Variants in ARPP21 observed in about 807,000 individuals in gnomAD.
ARPP21 encodes the protein cAMP regulated phosphoprotein 21.
In ARPP21, 69 loss-of-function variants were observed where a neutral mutation model predicts 113.2. That is an observed-to-expected ratio of 0.61 (90% confidence interval 0.50 to 0.74). The LOEUF is 0.74. ARPP21 is among the 30% of genes least tolerant of loss of function. The probability of loss-of-function intolerance (pLI) is 0.00; values close to 1 mark genes in which losing one functional copy is unlikely to be tolerated. For synonymous variants in ARPP21, 368 were observed against 375.5 expected, an observed-to-expected ratio of 0.98 and a Z score of 0.23; for missense variants, 1,070 against 1,037.4, an observed-to-expected ratio of 1.03 and a Z score of -0.43.
At chr3:35,680,215 A>G (rs2078507707) in intron 2 of ARPP21, among the ~76,000 whole-genome samples, 1 of 151,924 alleles carries the variant, frequency 6.6e-6, no homozygotes, top group Non-Finnish European at 1.5e-5. Flanking sequence ...CAATGCACTG[A>G]GAAACAAGCT....
At chr3:35,776,319 A>G (rs955101399) in intron 19 of ARPP21, among the ~76,000 whole-genome samples, 1 of 152,156 alleles carries the variant, frequency 6.6e-6, no homozygotes, top group Non-Finnish European at 1.5e-5. Flanking sequence ...AAAGTGGAAG[A>G]TTCTCTATAC....
intron 19 of ARPP21, among the ~76,000 whole-genome samples, chr3:35,784,161 G>C (rs1289669309): frequency 6.6e-6 from 1 of 152,176 alleles, no homozygotes; most frequent in Non-Finnish European, 1.5e-5. Flanking sequence ...TTTATACCAA[G>C]TGGCAAGAAG....
intron 10 of ARPP21, 68 bp downstream of exon 10, chr3:35,707,150 C>T (rs984724965): frequency 9.0e-6 from 11 of 1,228,704 alleles, no homozygotes; most frequent in African/African-American, 7.5e-5. Context: ...ATGTTCATGT[C>T]GTCCCTCTGT....
At chr3:35,687,445 A>T (rs1399776741) in intron 5 of ARPP21, among the ~76,000 whole-genome samples, 2 of 151,350 alleles carry the variant, frequency 1.3e-5, no homozygotes, top group Admixed American at 1.3e-4. Flanking sequence ...TTTAAAAATA[A>T]ACCTGTAGAA....
At chr3:35,713,878 A>G (rs1222089227) in intron 11 of ARPP21, among the ~76,000 whole-genome samples, 2 of 152,188 alleles carry the variant, frequency 1.3e-5, no homozygotes, top group Non-Finnish European at 2.9e-5. Context: ...ACAATCAACC[A>G]CTTTCCAACT....
chr3:35,694,230 C>T (rs1442106358), intron 9 of ARPP21, among the ~76,000 whole-genome samples: 1 of 151,422 alleles, frequency 6.6e-6, no homozygotes, highest in Non-Finnish European at 1.5e-5. Flanking sequence ...CATAACAATA[C>T]ATTCTGTGAG....
At chr3:35,737,790 G>A (rs2094446655) in intron 16 of ARPP21, among the ~76,000 whole-genome samples, 1 of 152,128 alleles carries the variant, frequency 6.6e-6, no homozygotes, top group Non-Finnish European at 1.5e-5. Flanking sequence ...CAATTCCAGG[G>A]AGGACTGGCT....
intron 9 of ARPP21, 109 bp from the exon 10 acceptor site, chr3:35,706,865 C>A: frequency 1.3e-6 from 1 of 759,242 alleles, no homozygotes; most frequent in East Asian, 2.6e-5. Flanking sequence ...ATGAAAACCA[C>A]TTGTAAACTT....
intron 9 of ARPP21, among the ~76,000 whole-genome samples, chr3:35,695,631 C>T (rs926057459): frequency 1.3e-5 from 2 of 151,474 alleles, no homozygotes; most frequent in Non-Finnish European, 3.0e-5. Flanking sequence ...TGGGGACTAC[C>T]TGCCCATCCA....
At chr3:35,743,791 CA>C (rs779816147) in intron 18 of ARPP21, 47 bp from the exon 19 acceptor site, 1 of 1,588,852 alleles carries the variant, frequency 6.3e-7, no homozygotes, top group Non-Finnish European at 8.6e-7. Context: ...TAAAAATTTA[CA>C]TTATCTACAT....
At chr3:35,687,519 T>C (rs2080991023) in intron 5 of ARPP21, among the ~76,000 whole-genome samples, 1 of 151,354 alleles carries the variant, frequency 6.6e-6, no homozygotes, top group Non-Finnish European at 1.5e-5. Context: ...TAAGGCAAAG[T>C]TTTAGTACTA....
intron 14 of ARPP21, among the ~76,000 whole-genome samples, chr3:35,728,242 G>A (rs1302001979): frequency 4.4e-5 from 5 of 113,126 alleles, no homozygotes; most frequent in South Asian, 2.7e-4. Flanking sequence ...TTTTTTTGAC[G>A]GAGTCTGACT....
At chr3:35,711,010 T>G (rs1469449459) in intron 11 of ARPP21, among the ~76,000 whole-genome samples, 1 of 152,228 alleles carries the variant, frequency 6.6e-6, no homozygotes, top group Admixed American at 6.5e-5. Flanking sequence ...GTGAGAAATC[T>G]TAAATGTCAA....
chr3:35,774,097 G>A (rs1299313203), intron 19 of ARPP21, among the ~76,000 whole-genome samples: 3 of 152,132 alleles, frequency 2.0e-5, no homozygotes, highest in Non-Finnish European at 2.9e-5. Flanking sequence ...TTCCAAAAAT[G>A]TGCTTACTGA....
intron 1 of ARPP21, among the ~76,000 whole-genome samples, chr3:35,669,097 G>T (rs528289241): frequency 4.0e-4 from 61 of 151,980 alleles, no homozygotes; most frequent in African/African-American, 1.4e-3. Flanking sequence ...TCATATATTT[G>T]CAGGAGAGTT....
At chr3:35,747,694 G>A (rs985434954) in intron 19 of ARPP21, among the ~76,000 whole-genome samples, 5 of 152,036 alleles carry the variant, frequency 3.3e-5, no homozygotes, top group African/African-American at 4.8e-5. Context: ...ACAAAATCAC[G>A]AGGATAAAGA....
rs140198975 is a variant in ARPP21, at chr3:35,745,931, T to C, written c.2137+1966T>C. On this transcript the variant is annotated intron_variant, in intron 19 of 20. Transcript: ENST00000684406. ...CCCTCCCAAGGTAAGATAATGACAC[T>C]GTAATGAGAAGAGTGCACTCTAGAG... Among the ~76,000 whole-genome samples the C allele has an allele frequency of 6.8e-3, 1,040 of 152,158 alleles. 14 individuals are homozygous for C. Among genetic ancestry groups the C allele is most frequent in the African/African-American group, 0.023 (965 of 41,494 alleles).
rs974065384 is a variant in ARPP21 at position 35,643,806 on chromosome 3, A to C, written c.-213+3408A>C. 4.6e-5 allele frequency: 7 copies of C among 152,148 alleles called. No individual in the cohort carries two copies. The East Asian group carries it at 1.2e-3, about 25-fold the overall frequency. The allele number at this position is 152,148 out of a possible 1,614,324, so 9.4% of individuals were successfully genotyped here. A position where few individuals can be genotyped will look rare whatever the true frequency, so the allele number is the denominator to read the frequency against. On this transcript the variant is annotated intron_variant, in intron 1 of 20. Transcript: ENST00000684406. ...GCTTAAAGGTGATGTCGACAATGAA[A>C]GCCATTTCTTCTTATGGTAAGTACT...
At chr3:35,713,496 A>C (rs951918638) in intron 11 of ARPP21, among the ~76,000 whole-genome samples, 1 of 152,048 alleles carries the variant, frequency 6.6e-6, no homozygotes, top group Non-Finnish European at 1.5e-5. Context: ...CCTGGGCTCA[A>C]GTGATTCTCC....
Sources: allele counts gnomAD v4.1 joint callset (sites outside exome capture counted in the v4.1 genomes callset), GRCh38; gene constraint gnomAD v4.1.1; transcripts MANE v1.5; gene names NCBI Gene and HGNC (gene_info 2026-07-23, HGNC 2026-07-21).